GRIK4: variants seen among roughly 807,000 people sequenced by gnomAD.
GRIK4 encodes the protein glutamate ionotropic receptor kainate type subunit 4, also known as glutamate receptor ionotropic, kainate 4.
Under a neutral mutation model 104.9 loss-of-function variants are expected in GRIK4, and 40 were observed. The observed-to-expected ratio is 0.38, with a 90% CI of 0.30 to 0.50. GRIK4 has a LOEUF of 0.50. Ranked by LOEUF, GRIK4 falls within the 20% of genes least tolerant of loss-of-function variation. The pLI, the probability that GRIK4 is intolerant of heterozygous loss-of-function variation, is 0.93. For synonymous variants in GRIK4, 485 were observed against 524.9 expected, an observed-to-expected ratio of 0.92 and a Z score of 1.04; for missense variants, 1,047 against 1,308.1, an observed-to-expected ratio of 0.80 and a Z score of 3.08.
chr11:120,822,840 G>A (rs1953161469), intron 6 of GRIK4, among the ~76,000 whole-genome samples: 1 of 152,184 alleles, frequency 6.6e-6, no homozygotes, highest in Admixed American at 6.5e-5. Flanking sequence ...GATGTCCTGT[G>A]GCCAAAACAT....
chr11:120,954,810 CACACACACACACACACACACAA>C (rs1419338700), intron 15 of GRIK4, among the ~76,000 whole-genome samples: 59 of 71,090 alleles, frequency 8.3e-4, no homozygotes, highest in East Asian at 8.1e-3. Context: ...CACACACACA[CACACACACACACACACACACAA>C]ACAATACTGG....
At position 120,986,312 on chromosome 11, in the gene GRIK4, C is replaced by A. The variant is rs1437129809; in HGVS notation, c.*52C>A. On this transcript the variant is annotated 3_prime_UTR_variant, in exon 21 of 21. Coordinates refer to ENST00000527524, the MANE Select transcript of GRIK4 (RefSeq NM_014619.5). Reference sequence around the variant, plus strand: ...GCCGGGCGGGGCGGGAGGGGAGGGGCGGGGCGGGCGCTGCTGTCAGCCGCC... The same window carrying A: ...GCCGGGCGGGGCGGGAGGGGAGGGGAGGGGCGGGCGCTGCTGTCAGCCGCC... 4.6e-6 allele frequency: 3 copies of A among 651,426 alleles called. No homozygotes were observed. The highest frequency in any genetic ancestry group is 4.2e-5 in the African/African-American group (2 of 47,274). The allele number at this position is 651,426 out of a possible 1,614,324, so 40.4% of individuals were successfully genotyped here.
intron 1 of GRIK4, among the ~76,000 whole-genome samples, chr11:120,633,085 T>C (rs1433251443): frequency 6.6e-6 from 1 of 152,072 alleles, no homozygotes; most frequent in Non-Finnish European, 1.5e-5. Context: ...CCCTTTGCCT[T>C]GGGTGGCAGC....
At chr11:120,880,494 C>CCAAGTA (rs946084565) in intron 11 of GRIK4, among the ~76,000 whole-genome samples, 5 of 152,192 alleles carry the variant, frequency 3.3e-5, no homozygotes, top group Admixed American at 3.3e-4. Context: ...GAGTACAAGT[C>CCAAGTA]CAAGTACAAG....
At chr11:120,604,617 A>G (rs1948934829) in intron 1 of GRIK4, among the ~76,000 whole-genome samples, 1 of 152,200 alleles carries the variant, frequency 6.6e-6, no homozygotes, top group Non-Finnish European at 1.5e-5. Flanking sequence ...AAAAGAGAAC[A>G]TGGGAGTGGT....
intron 3 of GRIK4, among the ~76,000 whole-genome samples, chr11:120,685,711 T>C (rs145226645): frequency 5.9e-4 from 90 of 152,320 alleles, no homozygotes; most frequent in African/African-American, 2.1e-3. Flanking sequence ...CCCCCTTCAC[T>C]TTTGCAGCAG....
At chr11:120,871,495 C>A in intron 9 of GRIK4, 1 of 409,850 alleles carries the variant, frequency 2.4e-6, no homozygotes, top group Non-Finnish European at 5.0e-6. Flanking sequence ...GGTGGCTCAG[C>A]CCACCTCATC....
At chr11:120,725,636 T>C (rs1951015578) in intron 3 of GRIK4, among the ~76,000 whole-genome samples, 1 of 152,182 alleles carries the variant, frequency 6.6e-6, no homozygotes, top group African/African-American at 2.4e-5. Flanking sequence ...GAGTTTCAAT[T>C]CTTTGATTCT....
intron 12 of GRIK4, among the ~76,000 whole-genome samples, chr11:120,901,325 G>A (rs2850815): frequency 2.7e-4 from 3 of 10,984 alleles, no homozygotes; most frequent in Admixed American, 1.3e-3. Context: ...GCATCCTGCC[G>A]CTCGCTGCAT....
intron 6 of GRIK4, among the ~76,000 whole-genome samples, chr11:120,826,063 G>A (rs568125126): frequency 6.6e-5 from 10 of 152,238 alleles, no homozygotes; most frequent in African/African-American, 1.7e-4. Flanking sequence ...CACTTACTAC[G>A]TGCCCAACAC....
At chr11:120,550,336 G>A (rs1565546374) in intron 1 of GRIK4, among the ~76,000 whole-genome samples, 1 of 128,534 alleles carries the variant, frequency 7.8e-6, no homozygotes, top group African/African-American at 3.8e-5. Flanking sequence ...TAAGAACAGG[G>A]GTTGGTGGGG....
chr11:120,862,330 G>T (rs1954285937), intron 9 of GRIK4: 9 of 493,694 alleles, frequency 1.8e-5, no homozygotes, highest in Admixed American at 7.1e-5. Flanking sequence ...AGGGGGCTGT[G>T]TAGAGGCACT....
At chr11:120,535,374 G>A (rs1238843276) in intron 1 of GRIK4, among the ~76,000 whole-genome samples, 1 of 151,840 alleles carries the variant, frequency 6.6e-6, no homozygotes, top group Non-Finnish European at 1.5e-5. Flanking sequence ...GTGTGAAGGG[G>A]GAGGTAAGAG....
chr11:120,564,886 G>A (rs1948295703), intron 1 of GRIK4, among the ~76,000 whole-genome samples: 1 of 152,194 alleles, frequency 6.6e-6, no homozygotes, highest in Non-Finnish European at 1.5e-5. Context: ...CTTCGCACAA[G>A]GGCAGCTCTT....
At chr11:120,839,815 T>C (rs974860900) in intron 8 of GRIK4, among the ~76,000 whole-genome samples, 1 of 152,162 alleles carries the variant, frequency 6.6e-6, no homozygotes, top group African/African-American at 2.4e-5. Flanking sequence ...ATAAATGAAT[T>C]AGGTTGACTG....
intron 13 of GRIK4, among the ~76,000 whole-genome samples, chr11:120,933,838 C>T (rs796772851): frequency 2.5e-4 from 38 of 152,234 alleles, no homozygotes; most frequent in African/African-American, 8.7e-4. Flanking sequence ...CCTGACCCGT[C>T]CCATCCTCCC....
At chr11:120,757,635 A>G (rs1044048768) in intron 3 of GRIK4, among the ~76,000 whole-genome samples, 2 of 151,960 alleles carry the variant, frequency 1.3e-5, no homozygotes, top group African/African-American at 4.8e-5. Flanking sequence ...CCTATATTTT[A>G]TTTTTTTGGA....
At chr11:120,854,048 C>A (rs543358835) in intron 8 of GRIK4, among the ~76,000 whole-genome samples, 18 of 152,262 alleles carry the variant, frequency 1.2e-4, no homozygotes, top group Admixed American at 3.3e-4. Context: ...GTTCTGTTCA[C>A]TTCCAATTGT....
chr11:120,889,664 G>A (rs1428332583), intron 11 of GRIK4, among the ~76,000 whole-genome samples: 2 of 136,912 alleles, frequency 1.5e-5, no homozygotes, highest in Non-Finnish European at 3.0e-5. Context: ...GAGTGCAATG[G>A]TATGATCTCA....
Sources: allele counts gnomAD v4.1 joint callset (sites outside exome capture counted in the v4.1 genomes callset), GRCh38; gene constraint gnomAD v4.1.1; transcripts MANE v1.5; gene names NCBI Gene and HGNC (gene_info 2026-07-23, HGNC 2026-07-21).